The following NGEF variants were observed in gnomAD, a reference collection of about 807,000 sequenced individuals.
The protein encoded by NGEF is ephexin-1.
NGEF carries 31 observed loss-of-function variants against 80.9 expected under a neutral mutation model. That is an observed-to-expected ratio of 0.38 (90% CI 0.29 to 0.52). NGEF has a LOEUF of 0.52. Among genes scored for constraint, NGEF ranks in the 20% least tolerant of loss-of-function variants. The pLI is 0.84. For missense variants in NGEF, 709 were observed against 926.2 expected, an observed-to-expected ratio of 0.77 and a Z score of 3.04; for synonymous variants, 371 against 370.2, an observed-to-expected ratio of 1.00 and a Z score of -0.03.
At chr2:232,981,400 C>A (rs1353135901) in intron 1 of NGEF, among the ~76,000 whole-genome samples, 1 of 152,006 alleles carries the variant, frequency 6.6e-6, no homozygotes, top group Non-Finnish European at 1.5e-5. Context: ...ATTAGCTACA[C>A]GAGTAGAAAT....
intron 3 of NGEF, among the ~76,000 whole-genome samples, chr2:232,930,448 C>T (rs1281948360): frequency 1.3e-5 from 2 of 151,964 alleles, no homozygotes; most frequent in Non-Finnish European, 2.9e-5. Flanking sequence ...GGCTCCCAAG[C>T]AGCTGGGACT....
chr2:232,954,504 T>C (rs1389600622), intron 3 of NGEF, among the ~76,000 whole-genome samples: 1 of 151,906 alleles, frequency 6.6e-6, no homozygotes, highest in Non-Finnish European at 1.5e-5. Flanking sequence ...GGCAGGCGGA[T>C]CGTGAAATCA....
chr2:232,945,357 G>C (rs975903439), intron 3 of NGEF, among the ~76,000 whole-genome samples: 4 of 152,040 alleles, frequency 2.6e-5, no homozygotes, highest in Admixed American at 2.6e-4. Flanking sequence ...AAGTCCTAAC[G>C]CCTGGTACCC....
chr2:232,881,311 C>A lies in NGEF; in HGVS notation c.1838-61G>T, dbSNP rs1223960665. 3.8e-5 allele frequency: 51 copies of A among 1,339,134 alleles called. No individual in the cohort carries two copies. The East Asian group carries it at 1.2e-3, about 30-fold the overall frequency. 83.0% of individuals were successfully genotyped at this position (1,339,134 alleles called of 1,614,324 possible). A position where few individuals can be genotyped will look rare whatever the true frequency, so the allele number is the denominator to read the frequency against. ...CGCACTACCCACCTGCACACTCCCACCAAGCCCGCAGCTGAGCCCTGCCTA... is the reference window on the plus strand; with the variant it reads ...CGCACTACCCACCTGCACACTCCCAACAAGCCCGCAGCTGAGCCCTGCCTA... On this transcript the variant is annotated intron_variant, in intron 13 of 14. Transcript: ENST00000264051.
At chr2:232,889,053 A>G (rs1383383965) in intron 8 of NGEF, among the ~76,000 whole-genome samples, 1 of 152,074 alleles carries the variant, frequency 6.6e-6, no homozygotes, top group Non-Finnish European at 1.5e-5. Context: ...CTCCCCTGAC[A>G]GCAGCCCAGG....
intron 6 of NGEF, 37 bp downstream of exon 6, chr2:232,894,719 G>A (rs1233040571): frequency 1.3e-5 from 20 of 1,504,930 alleles, no homozygotes; most frequent in Non-Finnish European, 1.8e-5. Context: ...GGATGAAGAA[G>A]GGCCCTGAGG....
At chr2:232,999,514 A>T (rs1386031866) in intron 1 of NGEF, among the ~76,000 whole-genome samples, 1 of 152,186 alleles carries the variant, frequency 6.6e-6, no homozygotes, top group Non-Finnish European at 1.5e-5. Flanking sequence ...TATTTTATTC[A>T]AGTGAAGTCC....
At chr2:232,884,258 T>G in intron 10 of NGEF, 114 bp from the exon 11 acceptor site, 1 of 1,237,238 alleles carries the variant, frequency 8.1e-7, no homozygotes, top group Non-Finnish European at 1.1e-6. Context: ...CCCCGACACA[T>G]GAGGCACAAG....
At chr2:232,983,360 G>A (rs1694476537) in intron 1 of NGEF, among the ~76,000 whole-genome samples, 1 of 152,146 alleles carries the variant, frequency 6.6e-6, no homozygotes, top group East Asian at 1.9e-4. Context: ...AGGGAAGGAG[G>A]AGGGGACCTT....
At chr2:232,926,119 G>C (rs1693060231) in intron 4 of NGEF, among the ~76,000 whole-genome samples, 1 of 152,198 alleles carries the variant, frequency 6.6e-6, no homozygotes, top group Non-Finnish European at 1.5e-5. Flanking sequence ...GACACGTCCT[G>C]TCTGTCCAAG....
At chr2:232,978,355 G>GA (rs1296176066) in intron 1 of NGEF, among the ~76,000 whole-genome samples, 2 of 151,198 alleles carry the variant, frequency 1.3e-5, no homozygotes, top group Non-Finnish European at 3.0e-5. Flanking sequence ...TCTACTAAAA[G>GA]AAAAAAAATA....
At chr2:233,004,217 C>T (rs1239700333) in intron 1 of NGEF, among the ~76,000 whole-genome samples, 2 of 152,264 alleles carry the variant, frequency 1.3e-5, no homozygotes, top group East Asian at 3.9e-4. Context: ...CAGCCCCTGA[C>T]CCTGCAGCCC....
chr2:232,962,789 A>G (rs571667849), intron 3 of NGEF, among the ~76,000 whole-genome samples: 6 of 151,372 alleles, frequency 4.0e-5, no homozygotes, highest in African/African-American at 1.2e-4. Flanking sequence ...ATCTACATCA[A>G]TGAAAGATTA....
At chr2:232,883,052 AACACACACAC>A (rs57854484) in intron 12 of NGEF, among the ~76,000 whole-genome samples, 30,681 of 150,294 alleles carry the variant, frequency 0.2, 3,361 homozygotes, top group Non-Finnish European at 0.25. Context: ...GCCCCAAGGG[AACACACACAC>A]ACACACACAC....
At chr2:232,932,276 T>C (rs927067174) in intron 3 of NGEF, among the ~76,000 whole-genome samples, 1 of 151,398 alleles carries the variant, frequency 6.6e-6, no homozygotes, top group African/African-American at 2.4e-5. Flanking sequence ...GTGATTCTCC[T>C]GTCTCAGCCT....
intron 5 of NGEF, among the ~76,000 whole-genome samples, chr2:232,897,769 C>G (rs1242593792): frequency 7.2e-5 from 11 of 152,220 alleles, no homozygotes; most frequent in Admixed American, 5.2e-4. Flanking sequence ...AGCCTGTGGC[C>G]TCTCCGTGGC....
intron 10 of NGEF, 43 bp from the exon 11 acceptor site, chr2:232,884,187 T>C: frequency 6.6e-7 from 1 of 1,517,018 alleles, no homozygotes; most frequent in Non-Finnish European, 8.8e-7. Flanking sequence ...GCCCACAATG[T>C]CCCTCCCCAG....
chr2:233,000,585 G>A (rs1299693608), intron 1 of NGEF, among the ~76,000 whole-genome samples: 5 of 151,894 alleles, frequency 3.3e-5, no homozygotes, highest in African/African-American at 1.2e-4. Context: ...GTGAAACCCC[G>A]TCTCTAGTAA....
chr2:232,991,493 C>A lies in NGEF; in HGVS notation c.-74-16529G>T, dbSNP rs185576152. ...ATTAAAATTTAAAAAAACCAATACA[C>A]AATATCATCAAAAAGAATAAAGTAC... On this transcript the variant is annotated intron_variant, in intron 1 of 14. Transcript: ENST00000264051. Among the ~76,000 whole-genome samples, 202 of 151,712 alleles carry A rather than the reference C, an allele frequency of 1.3e-3. 1 individual carries two copies. The highest frequency in any genetic ancestry group is 0.012 in the South Asian group (58 of 4,790).
Sources: allele counts gnomAD v4.1 joint callset (sites outside exome capture counted in the v4.1 genomes callset), GRCh38; gene constraint gnomAD v4.1.1; transcripts MANE v1.5; gene names NCBI Gene and HGNC (gene_info 2026-07-23, HGNC 2026-07-21).